TPH2: variants seen among roughly 807,000 people sequenced by gnomAD.
The protein encoded by TPH2 is tryptophan 5-hydroxylase 2.
TPH2 carries 27 observed loss-of-function variants against 59.1 expected under a neutral mutation model. The observed-to-expected ratio is 0.46, with a 90% confidence interval of 0.34 to 0.63. The LOEUF (loss-of-function observed/expected upper bound fraction) is 0.63. Among genes scored for constraint, TPH2 ranks in the 30% least tolerant of loss-of-function variants. The probability of loss-of-function intolerance (pLI) is 0.01; values close to 1 mark genes in which losing one functional copy is unlikely to be tolerated. For synonymous variants in TPH2, 220 were observed against 210.5 expected (o/e 1.05, Z -0.39); for missense variants, 523 against 588.3 (o/e 0.89, Z 1.15).
intron 4 of TPH2, among the ~76,000 whole-genome samples, chr12:71,948,867 G>A (rs76599945): frequency 0.028 from 4,269 of 151,966 alleles, 181 homozygotes; most frequent in African/African-American, 0.095. Context: ...GAGATTTTTG[G>A]GTAAACCAAG....
At chr12:71,953,729 C>G (rs1431943009) in intron 5 of TPH2, among the ~76,000 whole-genome samples, 1 of 152,144 alleles carries the variant, frequency 6.6e-6, no homozygotes, top group Non-Finnish European at 1.5e-5. Context: ...TTTGAAAAAT[C>G]TGGCGTATGC....
chr12:72,020,990 A>G (rs538184485), intron 8 of TPH2, among the ~76,000 whole-genome samples: 1 of 152,180 alleles, frequency 6.6e-6, no homozygotes, highest in East Asian at 1.9e-4. Context: ...TAGCCTCCAA[A>G]TAAAAATAGA....
Position 72,024,244 on chromosome 12 carries a change from G to A in TPH2, c.1164+1750G>A, listed in dbSNP as rs554143170. ...TCCTGTCAAGGGCCCTGCTGTCCATGCTGATTCTTGAGGAATGGAAAGGGT... is the reference window on the plus strand; with the variant it reads ...TCCTGTCAAGGGCCCTGCTGTCCATACTGATTCTTGAGGAATGGAAAGGGT... On this transcript the variant is annotated intron_variant, in intron 9 of 10. Transcript: ENST00000333850. Among the ~76,000 whole-genome samples, 4 of 152,334 alleles carry A rather than the reference G, an allele frequency of 2.6e-5. No individual in the cohort carries two copies. In the East Asian group the frequency reaches 7.7e-4, roughly 29 times the overall value.
intron 7 of TPH2, among the ~76,000 whole-genome samples, chr12:71,984,826 C>A (rs1226946138): frequency 6.6e-6 from 1 of 152,146 alleles, no homozygotes. Context: ...AACTGGTGCA[C>A]ATACCCTCAG....
chr12:71,946,376 A>G (rs1225620398), intron 4 of TPH2, among the ~76,000 whole-genome samples: 4 of 152,306 alleles, frequency 2.6e-5, no homozygotes, highest in African/African-American at 9.6e-5. Context: ...GAGTTCAGCC[A>G]TTTTAATGGA....
chr12:71,960,317 G>A (rs1414099552), intron 5 of TPH2, among the ~76,000 whole-genome samples: 2 of 152,122 alleles, frequency 1.3e-5, no homozygotes, highest in East Asian at 3.9e-4. Flanking sequence ...ACTTCCATTT[G>A]ACATAGGTGG....
chr12:71,995,412 A>G (rs1252681556), intron 8 of TPH2, among the ~76,000 whole-genome samples: 3 of 152,170 alleles, frequency 2.0e-5, no homozygotes, highest in Non-Finnish European at 4.4e-5. Flanking sequence ...GCGATCTTAA[A>G]TTGTATGTAT....
chr12:71,972,601 T>C lies in TPH2; in HGVS notation c.691T>C (p.Tyr231His). Residue 231 changes from tyrosine (Y) to histidine (H), a missense_variant, in exon 6 of 11, where the codon TAT becomes CAT. Tyr to His is a moderately conservative substitution (Grantham distance 83). Coordinates refer to ENST00000333850, the MANE Select transcript of TPH2 (RefSeq NM_173353.4). The stretch of plus-strand genomic sequence containing the variant: ...TGTATTCCGGGAGCTCTCCAAACTC[T>C]ATCCCACTCATGCTTGCCGAGAGTA... ...GVVFRELSKLYPTHACREYLK... is the reference protein window; with the variant it reads ...GVVFRELSKLHPTHACREYLK... The C allele has an allele frequency of 6.8e-6, 11 of 1,614,168 alleles. No homozygotes were observed. Among genetic ancestry groups the C allele is most frequent in the Non-Finnish European group, 9.3e-6 (11 of 1,180,022 alleles).
chr12:71,994,692 C>T lies in TPH2; in HGVS notation c.1068+127C>T. The T allele has an allele frequency of 2.5e-6, 3 of 1,186,638 alleles. No homozygotes were observed. The South Asian group carries it at 4.0e-5, about 16-fold the overall frequency. The allele number at this position is 1,186,638 out of a possible 1,614,324, so 73.5% of individuals were successfully genotyped here. A position where few individuals can be genotyped will look rare whatever the true frequency, so the allele number is the denominator to read the frequency against. ...AGAAAACATGGTGAATTTACCTTTT[C>T]CTATGTTGTATTCTTTTGAAGCACA... On this transcript the variant is annotated intron_variant, in intron 8 of 10. Transcript: ENST00000333850.
chr12:71,987,996 G>T (rs549809949), intron 7 of TPH2, among the ~76,000 whole-genome samples: 28 of 152,228 alleles, frequency 1.8e-4, no homozygotes, highest in South Asian at 1.4e-3. Flanking sequence ...GTACACATTT[G>T]GTTCTTCAGT....
intron 5 of TPH2, chr12:71,961,449 A>T (rs1208705131): frequency 2.9e-6 from 3 of 1,051,612 alleles, no homozygotes; most frequent in South Asian, 1.5e-5. Context: ...ACTCTGAAAA[A>T]GATAGGGCCT....
At chr12:71,949,487 A>C in intron 4 of TPH2, 101 bp from the exon 5 acceptor site, 1 of 941,170 alleles carries the variant, frequency 1.1e-6, no homozygotes. Context: ...TAAGATTTAC[A>C]TATGAATTGA....
chr12:71,972,863 A>C, intron 6 of TPH2, 148 bp downstream of exon 6: 1 of 820,026 alleles, frequency 1.2e-6, no homozygotes, highest in South Asian at 1.7e-5. Context: ...ACCTGCGGCC[A>C]CCTGTGGGAA....
In TPH2 at chr12:72,029,684, A is replaced by G. The variant is rs187034699; in HGVS notation, c.1165-1574A>G. 2.0e-3 allele frequency among the ~76,000 whole-genome samples: 307 copies of G among 152,276 alleles called. 4 individuals carry two copies. The highest frequency in any genetic ancestry group is 7.9e-4 in the Non-Finnish European group (54 of 68,012). ...GAAGTTGTTCTGTGGGCCAAAAAAA[A>G]TGAGTTCACGCTGAGAGGCCCTCTG... On this transcript the variant is annotated intron_variant, in intron 9 of 10. Transcript: ENST00000333850.
chr12:72,027,985 G>A (rs543480844), intron 9 of TPH2, among the ~76,000 whole-genome samples: 5 of 152,216 alleles, frequency 3.3e-5, no homozygotes, highest in Non-Finnish European at 5.9e-5. Flanking sequence ...GATATTATAC[G>A]TCTAGCCTCT....
At chr12:71,972,805 A>G (rs1285406710) in intron 6 of TPH2, 90 bp downstream of exon 6, 77 of 1,367,894 alleles carry the variant, frequency 5.6e-5, no homozygotes, top group Non-Finnish European at 5.9e-5. Flanking sequence ...TTTTTCCAAA[A>G]AAGGAAAAAC....
chr12:71,949,792 T>C, intron 5 of TPH2, 137 bp downstream of exon 5: 4 of 713,690 alleles, frequency 5.6e-6, no homozygotes, highest in South Asian at 4.5e-5. Context: ...ACCAACTCTG[T>C]AGGCTTTAAA....
intron 2 of TPH2, 115 bp from the exon 3 acceptor site, chr12:71,944,179 G>T: frequency 2.0e-6 from 2 of 1,016,388 alleles, no homozygotes; most frequent in Non-Finnish European, 3.0e-6. Context: ...CAAAGAGATT[G>T]TCTCTTCCTC....
chr12:72,021,361 G>A (rs532918808), intron 8 of TPH2, among the ~76,000 whole-genome samples: 2 of 30,198 alleles, frequency 6.6e-5, no homozygotes, highest in African/African-American at 1.6e-4. Context: ...AATAAAGTGT[G>A]TGTGTGTGTG....
Sources: allele counts gnomAD v4.1 joint callset (sites outside exome capture counted in the v4.1 genomes callset), GRCh38; gene constraint gnomAD v4.1.1; transcripts MANE v1.5; gene names NCBI Gene and HGNC (gene_info 2026-07-23, HGNC 2026-07-21).